The following NFIA variants were observed in gnomAD, a reference collection of about 807,000 sequenced individuals.
NFIA encodes nuclear factor 1 A-type.
Under a neutral mutation model 62.8 loss-of-function variants are expected in NFIA, and 8 were observed. The observed-to-expected ratio is 0.13, with a 90% CI of 0.07 to 0.23. The LOEUF (loss-of-function observed/expected upper bound fraction) is 0.23, where lower values mean the gene tolerates loss of function less well. NFIA is among the 10% of genes least tolerant of loss of function. NFIA has a pLI of 1.00. For synonymous variants in NFIA, 235 were observed against 238.1 expected (o/e 0.99, Z 0.12); for missense variants, 410 against 642.1 (o/e 0.64, Z 3.91).
chr1:61,439,302 A>G (rs1667473331), intron 10 of NFIA: 1 of 152,186 alleles, frequency 6.6e-6, no homozygotes, highest in South Asian at 2.1e-4. Flanking sequence ...GAAAGTGAGA[A>G]CGTGTACACA....
chr1:61,461,367 T>C lies in NFIA; in HGVS notation c.*6047T>C, dbSNP rs994981059. 1.3e-5 allele frequency: 2 copies of C among 152,228 alleles called. No individual in the cohort carries two copies. The highest frequency in any genetic ancestry group is 4.8e-5 in the African/African-American group (2 of 41,460). The allele number at this position is 152,228 out of a possible 1,614,324, so 9.4% of individuals were successfully genotyped here. On this transcript the variant is annotated 3_prime_UTR_variant, in exon 11 of 11. Transcript: ENST00000403491. ...TATTTTCTTCAAAAATAAAACTCTG[T>C]ACAAACTTTGGGCCCGATTCATAAG...
intron 2 of NFIA, among the ~76,000 whole-genome samples, chr1:61,185,495 T>C (rs1035761441): frequency 5.3e-5 from 8 of 152,144 alleles, no homozygotes; most frequent in Admixed American, 2.0e-4. Context: ...TTCAAAGAAG[T>C]TAGTTAGTTT....
At chr1:61,330,976 C>G (rs1661271612) in intron 3 of NFIA, among the ~76,000 whole-genome samples, 1 of 152,090 alleles carries the variant, frequency 6.6e-6, no homozygotes. Flanking sequence ...GTCTGTTTTG[C>G]CAAGACCTCA....
Position 61,382,665 on chromosome 1 carries a change from A to G in NFIA, c.947-572A>G, listed in dbSNP as rs554877032. Among the ~76,000 whole-genome samples the G allele has an allele frequency of 2.6e-5, 4 of 152,292 alleles. 1 individual carries two copies. In the South Asian group the frequency reaches 8.3e-4, roughly 32 times the overall value. On this transcript the variant is annotated intron_variant, in intron 6 of 10. Coordinates refer to ENST00000403491, the MANE Select transcript of NFIA (RefSeq NM_001134673.4). ...GTATTGCTTACATTGGTTATACCATACTTATTTAACCAGTCCCCAATTGTA... is the reference window on the plus strand; with the variant it reads ...GTATTGCTTACATTGGTTATACCATGCTTATTTAACCAGTCCCCAATTGTA...
chr1:61,158,256 C>T (rs1324573563), intron 2 of NFIA, among the ~76,000 whole-genome samples: 2 of 151,924 alleles, frequency 1.3e-5, no homozygotes, highest in Admixed American at 6.6e-5. Context: ...TAGAAAAAAC[C>T]CTTTTTACTA....
chr1:61,310,575 A>G (rs1341670261), intron 3 of NFIA, among the ~76,000 whole-genome samples: 1 of 152,084 alleles, frequency 6.6e-6, no homozygotes, highest in Admixed American at 6.5e-5. Context: ...AGAAAGAATT[A>G]ACTTTCCCCA....
chr1:61,104,498 T>C (rs1276540158), intron 2 of NFIA, among the ~76,000 whole-genome samples: 1 of 152,018 alleles, frequency 6.6e-6, no homozygotes, highest in Admixed American at 6.6e-5. Context: ...CATATGTAAA[T>C]CTTCTTTGTT....
intron 2 of NFIA, among the ~76,000 whole-genome samples, chr1:61,196,517 A>G (rs1431375952): frequency 6.6e-6 from 1 of 152,212 alleles, no homozygotes. Context: ...CAAATGTTGC[A>G]TGCAATATGA....
chr1:61,100,476 C>A (rs906075667), intron 2 of NFIA, among the ~76,000 whole-genome samples: 1 of 152,126 alleles, frequency 6.6e-6, no homozygotes, highest in African/African-American at 2.4e-5. Flanking sequence ...CAAGTCAGTG[C>A]CATCTCAGAT....
chr1:61,249,559 C>T lies in NFIA; in HGVS notation c.560-27961C>T, dbSNP rs139118043. On this transcript the variant is annotated intron_variant, in intron 2 of 10. Coordinates refer to ENST00000403491, the MANE Select transcript of NFIA (RefSeq NM_001134673.4). ...CAAGGCAGGTGGATCCCAGCACTTT[C>T]GGAGGCCGAGGCGGGTAGATCACTT... 1.0e-3 allele frequency among the ~76,000 whole-genome samples: 152 copies of T among 152,194 alleles called. 1 individual carries two copies. The Middle Eastern group carries it at 0.017, about 17-fold the overall frequency.
At chr1:61,343,150 G>A (rs1447249900) in intron 4 of NFIA, among the ~76,000 whole-genome samples, 3 of 152,180 alleles carry the variant, frequency 2.0e-5, no homozygotes, top group Non-Finnish European at 2.9e-5. Flanking sequence ...AAAATAAGTA[G>A]GAGACAGCCT....
chr1:61,325,579 C>T (rs1182689574), intron 3 of NFIA, among the ~76,000 whole-genome samples: 1 of 152,184 alleles, frequency 6.6e-6, no homozygotes, highest in Non-Finnish European at 1.5e-5. Flanking sequence ...CATAATCTAG[C>T]CAAGGCTGTC....
rs1345381826 is a variant in NFIA, at chr1:61,175,156, T to TTA, written c.559+86477_559+86478insAT. ...TATTATTATTATTATTATTATTATT[T>TTA]TTTGAGACAGGATCTCACTCTCTTG... On this transcript the variant is annotated intron_variant, in intron 2 of 10. Coordinates refer to ENST00000403491, the MANE Select transcript of NFIA (RefSeq NM_001134673.4). Among the ~76,000 whole-genome samples the TTA allele has an allele frequency of 3.4e-5, 5 of 148,546 alleles. No homozygotes were observed. In the East Asian group the frequency reaches 9.1e-4, roughly 27 times the overall value.
chr1:61,093,183 A>T (rs1407151712), intron 2 of NFIA, among the ~76,000 whole-genome samples: 1 of 152,148 alleles, frequency 6.6e-6, no homozygotes. Context: ...AGCTACATGT[A>T]TGTGTGTTTA....
At chr1:61,310,199 T>C (rs907203915) in intron 3 of NFIA, among the ~76,000 whole-genome samples, 1 of 152,072 alleles carries the variant, frequency 6.6e-6, no homozygotes, top group African/African-American at 2.4e-5. Context: ...CCACATTTTC[T>C]GCTGTGTATA....
chr1:61,109,551 G>A (rs924710380), intron 2 of NFIA, among the ~76,000 whole-genome samples: 9 of 151,474 alleles, frequency 5.9e-5, no homozygotes, highest in African/African-American at 2.2e-4. Context: ...TAATTGAAAT[G>A]CCTCTGAATT....
intron 2 of NFIA, among the ~76,000 whole-genome samples, chr1:61,241,860 G>A (rs944707030): frequency 6.6e-6 from 1 of 151,980 alleles, no homozygotes; most frequent in Admixed American, 6.6e-5. Context: ...AAATAACATG[G>A]TCATTTTCTT....
At chr1:61,243,955 G>A (rs1655495445) in intron 2 of NFIA, among the ~76,000 whole-genome samples, 1 of 152,100 alleles carries the variant, frequency 6.6e-6, no homozygotes, top group Non-Finnish European at 1.5e-5. Context: ...TCCAAAGTGA[G>A]TATTTTACTT....
chr1:61,306,682 A>G (rs963687065), intron 3 of NFIA, among the ~76,000 whole-genome samples: 8 of 152,236 alleles, frequency 5.3e-5, no homozygotes, highest in Non-Finnish European at 1.0e-4. Context: ...GTACCTGCAA[A>G]GTAAGGTTTT....
Sources: allele counts gnomAD v4.1 joint callset (sites outside exome capture counted in the v4.1 genomes callset), GRCh38; gene constraint gnomAD v4.1.1; transcripts MANE v1.5; gene names NCBI Gene and HGNC (gene_info 2026-07-23, HGNC 2026-07-21).